CYFIP2: variants seen among roughly 807,000 people sequenced by gnomAD.
The protein encoded by CYFIP2 is cytoplasmic FMR1 interacting protein 2, also known as cytoplasmic FMR1-interacting protein 2.
A neutral mutation model predicts 158.7 loss-of-function variants in CYFIP2; 29 were observed. The ratio of observed to expected loss-of-function variants is 0.18; its 90% CI spans 0.14 to 0.25. CYFIP2 has a LOEUF of 0.25. Ranked by LOEUF, CYFIP2 falls within the 10% of genes least tolerant of loss-of-function variation. The probability of loss-of-function intolerance (pLI) is 1.00; values close to 1 mark genes in which losing one functional copy is unlikely to be tolerated. For synonymous variants in CYFIP2, 585 were observed against 617.6 expected (o/e 0.95, Z 0.78); for missense variants, 852 against 1,639.5 (o/e 0.52, Z 8.29).
chr5:157,384,305 T>C (rs1766427366), intron 28 of CYFIP2: 1 of 456,584 alleles, frequency 2.2e-6, no homozygotes, highest in Non-Finnish European at 4.4e-6. Flanking sequence ...CCTTTCAAGT[T>C]GATTTCAGCA....
At chr5:157,334,517 G>A (rs1031942467) in intron 21 of CYFIP2, among the ~76,000 whole-genome samples, 19 of 152,100 alleles carry the variant, frequency 1.2e-4, no homozygotes, top group African/African-American at 4.6e-4. Flanking sequence ...ATTACAAAGG[G>A]AAGAATGACT....
intron 25 of CYFIP2, among the ~76,000 whole-genome samples, chr5:157,360,893 G>A (rs959516624): frequency 2.0e-5 from 3 of 152,162 alleles, no homozygotes; most frequent in African/African-American, 7.2e-5. Context: ...GGCATCTGAT[G>A]TTTCTTTCCA....
intron 26 of CYFIP2, chr5:157,364,840 AAG>A (rs1458778153): frequency 6.6e-6 from 1 of 152,232 alleles, no homozygotes; most frequent in Non-Finnish European, 1.5e-5. Flanking sequence ...CAAAAAAAAA[AAG>A]GAAAGATGCC....
At chr5:157,325,402 A>G in intron 16 of CYFIP2, 80 bp from the exon 17 acceptor site, 17 of 1,427,122 alleles carry the variant, frequency 1.2e-5, no homozygotes, top group Non-Finnish European at 1.2e-5. Flanking sequence ...GACAATAACA[A>G]TGAAAATTAA....
At position 157,393,062 on chromosome 5, in the gene CYFIP2, G is replaced by A; in HGVS notation, c.*62G>A. ...GAGAAGCAGGAGAGAGAAAGCCACAGCCAGCCTGCCATAGGATCCAACTGG... is the reference window on the plus strand; with the variant it reads ...GAGAAGCAGGAGAGAGAAAGCCACAACCAGCCTGCCATAGGATCCAACTGG... On this transcript the variant is annotated 3_prime_UTR_variant, in exon 31 of 31. Coordinates refer to ENST00000620254, the MANE Select transcript of CYFIP2 (RefSeq NM_001037333.3). The A allele has an allele frequency of 6.3e-7, 1 of 1,576,308 alleles. No individual in the cohort carries two copies. Among genetic ancestry groups the A allele is most frequent in the East Asian group, 2.2e-5 (1 of 44,582 alleles).
At chr5:157,383,403 A>G (rs1289731208) in intron 28 of CYFIP2, 44 bp downstream of exon 28, 1 of 1,556,520 alleles carries the variant, frequency 6.4e-7, no homozygotes, top group East Asian at 2.3e-5. Flanking sequence ...ACTGACAGGA[A>G]CTTGAGAGCA....
chr5:157,345,836 C>A (rs13156380), intron 23 of CYFIP2: 36,793 of 152,172 alleles, frequency 0.24, 5,174 homozygotes, highest in African/African-American at 0.38. Context: ...GGCAGATGAT[C>A]CCCTGAAAAC....
At position 157,360,389 on chromosome 5, in the gene CYFIP2, C is replaced by A. The variant is rs776286801; in HGVS notation, c.2908+17C>A. On this transcript the variant is annotated intron_variant, in intron 25 of 30. Transcript: ENST00000620254. ...GCTCCCCAGGTTGGTGATAGCAAAA[C>A]AATCCAGACCCCTCCCATGGTGGGG... is the stretch of plus-strand genomic sequence containing the variant. 2.3e-5 allele frequency: 37 copies of A among 1,604,228 alleles called. No individual in the cohort carries two copies. Among genetic ancestry groups the A allele is most frequent in the Non-Finnish European group, 3.2e-5 (37 of 1,173,410 alleles).
chr5:157,350,576 TCC>T (rs959803907), intron 23 of CYFIP2, among the ~76,000 whole-genome samples: 1 of 152,240 alleles, frequency 6.6e-6, no homozygotes, highest in African/African-American at 2.4e-5. Flanking sequence ...CCAGATTTGC[TCC>T]TTTTGCTTAG....
At chr5:157,360,401 C>T in intron 25 of CYFIP2, 29 bp downstream of exon 25, 1 of 1,589,610 alleles carries the variant, frequency 6.3e-7, no homozygotes, top group Middle Eastern at 1.7e-4. Flanking sequence ...ATCCAGACCC[C>T]TCCCATGGTG....
At chr5:157,375,554 A>T (rs1352048769) in intron 26 of CYFIP2, among the ~76,000 whole-genome samples, 1 of 152,076 alleles carries the variant, frequency 6.6e-6, no homozygotes, top group Admixed American at 6.5e-5. Flanking sequence ...AGCCTAGCTT[A>T]TCCAACCCAT....
Position 157,326,232 on chromosome 5 carries a change from A to G in CYFIP2, c.2044A>G (p.Lys682Glu), listed in dbSNP as rs1171630496. The stretch of plus-strand genomic sequence containing the variant: ...CGCCTACTATGCTCTGACCAAGTTT[A>G]AAAAGCAGTTCCTGTACGATGAGAT... ...DSAYYALTKF[K>E]KQFLYDEIEA... Residue 682 changes from lysine to glutamate, a missense_variant, in exon 18 of 31, where the codon AAA becomes GAA. By Grantham distance (56) the Lys-to-Glu change is moderately conservative. Transcript: ENST00000620254. The G allele has an allele frequency of 6.2e-7, 1 of 1,613,950 alleles. No individual in the cohort carries two copies. Among genetic ancestry groups the G allele is most frequent in the Non-Finnish European group, 8.5e-7 (1 of 1,179,802 alleles).
chr5:157,383,320 C>T lies in CYFIP2; in HGVS notation c.3168C>T (p.Leu1056=), dbSNP rs754025772. The change falls in exon 28 of 31, where the codon CTC becomes CTT. Residue 1056 remains leucine (L), a synonymous_variant. Transcript: ENST00000620254. The part of the protein sequence containing the change: ...MKRLEAKYAP[L]HLVPLIERLG... ...GTCTGGAAGCCAAGTATGCCCCGCT[C>T]CACCTGGTCCCTCTGATCGAGCGGC... The T allele has an allele frequency of 1.5e-5, 24 of 1,613,810 alleles. No individual in the cohort carries two copies. The highest frequency in any genetic ancestry group is 1.1e-4 in the South Asian group (10 of 91,076).
Position 157,272,049 on chromosome 5 carries a change from G to A in CYFIP2, c.-24+5854G>A, listed in dbSNP as rs542111347. Among the ~76,000 whole-genome samples, 5 of 152,350 alleles carry A rather than the reference G, an allele frequency of 3.3e-5. No homozygotes were observed. The East Asian group carries it at 9.6e-4, about 29-fold the overall frequency. On this transcript the variant is annotated intron_variant, in intron 1 of 30. Coordinates refer to ENST00000620254, the MANE Select transcript of CYFIP2 (RefSeq NM_001037333.3). ...CCTGAGCTGCTGGTAGCCTGGTTTG[G>A]TGTCACCACAAAGGCCACCTCAACC...
intron 20 of CYFIP2, among the ~76,000 whole-genome samples, chr5:157,332,536 C>T (rs1761544311): frequency 6.6e-6 from 1 of 152,230 alleles, no homozygotes; most frequent in Non-Finnish European, 1.5e-5. Context: ...GGAAATTTGA[C>T]AATACTACTT....
At chr5:157,369,445 C>T (rs1029277207) in intron 26 of CYFIP2, among the ~76,000 whole-genome samples, 7 of 152,148 alleles carry the variant, frequency 4.6e-5, no homozygotes, top group Non-Finnish European at 8.8e-5. Flanking sequence ...TCCTCAACAC[C>T]TAACACAAGG....
chr5:157,331,798 A>C (rs902265220), intron 20 of CYFIP2, among the ~76,000 whole-genome samples: 1 of 152,218 alleles, frequency 6.6e-6, no homozygotes, highest in Non-Finnish European at 1.5e-5. Flanking sequence ...GGCCCTGGTC[A>C]GTTGGTAGAA....
At chr5:157,343,633 A>G in intron 23 of CYFIP2, 2 of 1,022,462 alleles carry the variant, frequency 2.0e-6, no homozygotes, top group Non-Finnish European at 2.8e-6. Flanking sequence ...CACATTTGAG[A>G]CGGGCACTCA....
intron 23 of CYFIP2, among the ~76,000 whole-genome samples, chr5:157,358,277 G>A (rs1166962059): frequency 2.6e-5 from 4 of 152,192 alleles, no homozygotes; most frequent in Non-Finnish European, 4.4e-5. Flanking sequence ...GTCTCATGGG[G>A]TTCAGCGGAC....
Sources: gnomAD v4.1 joint callset for allele counts (sites outside exome capture counted in the v4.1 genomes callset) on GRCh38, gnomAD v4.1.1 for gene constraint, MANE v1.5 for transcripts, NCBI Gene and HGNC (gene_info 2026-07-23, HGNC 2026-07-21) for gene names.